AKT3: variants seen among roughly 807,000 people sequenced by gnomAD.
AKT3 encodes the protein RAC-gamma serine/threonine-protein kinase.
In AKT3, 15 loss-of-function variants were observed where a neutral mutation model predicts 65.3. The observed-to-expected ratio is 0.23, with a 90% CI of 0.15 to 0.35. The LOEUF is 0.35. Ranked by LOEUF, AKT3 falls within the 10% of genes least tolerant of loss-of-function variation. The probability of loss-of-function intolerance (pLI) is 1.00; values close to 1 mark genes in which losing one functional copy is unlikely to be tolerated. For synonymous variants in AKT3, 206 were observed against 183.8 expected (o/e 1.12, Z -0.98); for missense variants, 243 against 576.5 (o/e 0.42, Z 5.92).
At chr1:243,515,462 T>C (rs1276853799) in intron 12 of AKT3, among the ~76,000 whole-genome samples, 1 of 152,066 alleles carries the variant, frequency 6.6e-6, no homozygotes, top group Non-Finnish European at 1.5e-5. Context: ...TTAAAAAGGA[T>C]GGATTTTTCT....
intron 2 of AKT3, among the ~76,000 whole-genome samples, chr1:243,839,904 C>T (rs374500083): frequency 2.0e-5 from 3 of 151,278 alleles, no homozygotes; most frequent in African/African-American, 4.9e-5. Context: ...GGAAAAGGTC[C>T]GGGTGCGGTG....
At chr1:243,756,411 G>C (rs1208959858) in intron 2 of AKT3, among the ~76,000 whole-genome samples, 1 of 152,170 alleles carries the variant, frequency 6.6e-6, no homozygotes, top group Non-Finnish European at 1.5e-5. Context: ...GAGTAAGAAG[G>C]TGCTCAGAGA....
chr1:243,750,433 A>G (rs962142168), intron 2 of AKT3, among the ~76,000 whole-genome samples: 6 of 138,504 alleles, frequency 4.3e-5, no homozygotes, highest in African/African-American at 1.3e-4. Flanking sequence ...ACACACACAC[A>G]CGCACGCACG....
intron 8 of AKT3, among the ~76,000 whole-genome samples, chr1:243,589,735 A>C (rs1163414938): frequency 6.6e-6 from 1 of 152,134 alleles, no homozygotes; most frequent in Admixed American, 6.5e-5. Context: ...AGATATCTGT[A>C]CTCCCACATA....
At chr1:243,665,684 T>G (rs994654292) in intron 3 of AKT3, among the ~76,000 whole-genome samples, 1 of 152,202 alleles carries the variant, frequency 6.6e-6, no homozygotes, top group Non-Finnish European at 1.5e-5. Flanking sequence ...ATCTACATCA[T>G]AGAATTGATG....
chr1:243,767,487 ATATT>A (rs1171383269), intron 2 of AKT3, among the ~76,000 whole-genome samples: 3 of 152,186 alleles, frequency 2.0e-5, no homozygotes, highest in Admixed American at 6.6e-5. Flanking sequence ...AACATACCTA[ATATT>A]TATTAGAATG....
intron 2 of AKT3, among the ~76,000 whole-genome samples, chr1:243,802,445 C>T (rs932805764): frequency 6.6e-6 from 1 of 152,106 alleles, no homozygotes; most frequent in Non-Finnish European, 1.5e-5. Flanking sequence ...TTTAGGGACA[C>T]TAATCAAAAC....
intron 4 of AKT3, among the ~76,000 whole-genome samples, chr1:243,656,915 G>A (rs747227153): frequency 1.2e-4 from 18 of 152,114 alleles, no homozygotes; most frequent in Non-Finnish European, 2.4e-4. Flanking sequence ...TAAATTAGTG[G>A]TGTATCCAAT....
chr1:243,544,719 T>TTA (rs1672547806), intron 12 of AKT3, among the ~76,000 whole-genome samples: 1 of 151,242 alleles, frequency 6.6e-6, no homozygotes, highest in Non-Finnish European at 1.5e-5. Flanking sequence ...TTTTTTTTTT[T>TTA]AAGAGATTGG....
chr1:243,577,048 G>C (rs1204703933), intron 8 of AKT3, among the ~76,000 whole-genome samples: 1 of 152,160 alleles, frequency 6.6e-6, no homozygotes, highest in African/African-American at 2.4e-5. Flanking sequence ...CAATGGAACA[G>C]AATAGAGAAC....
intron 13 of AKT3, among the ~76,000 whole-genome samples, 175 bp downstream of exon 13, chr1:243,512,149 G>A (rs1035241468): frequency 1.3e-5 from 2 of 152,122 alleles, no homozygotes; most frequent in Non-Finnish European, 2.9e-5. Context: ...TTACCACTGG[G>A]AACTCAATAT....
intron 9 of AKT3, among the ~76,000 whole-genome samples, chr1:243,565,304 TCAC>T (rs973935095): frequency 2.6e-5 from 4 of 152,186 alleles, no homozygotes; most frequent in African/African-American, 9.7e-5. Context: ...CAATCACAGC[TCAC>T]CACAACCTCT....
chr1:243,786,570 T>A (rs917407073), intron 2 of AKT3, among the ~76,000 whole-genome samples: 2 of 152,198 alleles, frequency 1.3e-5, no homozygotes, highest in Admixed American at 1.3e-4. Context: ...AAAAGTTAAC[T>A]AGTAAGTTCA....
At chr1:243,639,390 T>A (rs1040373760) in intron 5 of AKT3, among the ~76,000 whole-genome samples, 1 of 152,146 alleles carries the variant, frequency 6.6e-6, no homozygotes, top group African/African-American at 2.4e-5. Flanking sequence ...ACAAGCATCA[T>A]CCTGATACTG....
At chr1:243,588,427 C>A (rs1675958864) in intron 8 of AKT3, among the ~76,000 whole-genome samples, 2 of 152,124 alleles carry the variant, frequency 1.3e-5, no homozygotes, top group African/African-American at 4.8e-5. Context: ...CTTACACGAA[C>A]AAAGCTAACA....
At chr1:243,533,466 C>T (rs1464007583) in intron 12 of AKT3, among the ~76,000 whole-genome samples, 2 of 152,222 alleles carry the variant, frequency 1.3e-5, no homozygotes, top group Non-Finnish European at 2.9e-5. Flanking sequence ...GGCAATTGTA[C>T]TATCTGTGAA....
intron 2 of AKT3, among the ~76,000 whole-genome samples, chr1:243,839,358 T>C (rs374093627): frequency 6.6e-6 from 1 of 152,184 alleles, no homozygotes; most frequent in African/African-American, 2.4e-5. Flanking sequence ...ATTTAGTAAG[T>C]ATTTAATATA....
At chr1:243,514,422 T>C (rs1670211029) in intron 12 of AKT3, among the ~76,000 whole-genome samples, 1 of 152,206 alleles carries the variant, frequency 6.6e-6, no homozygotes, top group Admixed American at 6.5e-5. Context: ...TACTGAGGAC[T>C]TTCCTGACCG....
chr1:243,757,304 C>T lies in AKT3; in HGVS notation c.47-61588G>A, dbSNP rs186798379. Among the ~76,000 whole-genome samples the T allele has an allele frequency of 2.2e-4, 33 of 152,352 alleles. No individual in the cohort carries two copies. In the East Asian group the frequency reaches 2.5e-3, roughly 12 times the overall value. ...TAATCAACAGTAAAGGAGCATCTCACTCTCAAATGGTTCATTAGAAAAAGC... is the reference window on the plus strand; with the variant it reads ...TAATCAACAGTAAAGGAGCATCTCATTCTCAAATGGTTCATTAGAAAAAGC... On this transcript the variant is annotated intron_variant, in intron 2 of 13. Transcript: ENST00000673466.
Sources: gnomAD v4.1 joint callset for allele counts (sites outside exome capture counted in the v4.1 genomes callset) on GRCh38, gnomAD v4.1.1 for gene constraint, MANE v1.5 for transcripts, NCBI Gene and HGNC (gene_info 2026-07-23, HGNC 2026-07-21) for gene names.